STK3: variants seen among roughly 807,000 people sequenced by gnomAD.
The protein encoded by STK3 is serine/threonine-protein kinase 3.
A neutral mutation model predicts 58.0 loss-of-function variants in STK3; 41 were observed. The observed-to-expected ratio is 0.71, with a 90% CI of 0.55 to 0.92. The LOEUF (loss-of-function observed/expected upper bound fraction) is 0.92, where lower values mean the gene tolerates loss of function less well. STK3 is among the 40% of genes least tolerant of loss of function. The pLI, the probability that STK3 is intolerant of heterozygous loss-of-function variation, is 0.00. For missense variants in STK3, 479 were observed against 602.7 expected, an observed-to-expected ratio of 0.79 and a Z score of 2.15; for synonymous variants, 170 against 191.0, an observed-to-expected ratio of 0.89 and a Z score of 0.91.
chr8:98,390,223 C>A (rs547188501), upstream of STK3, among the ~76,000 whole-genome samples: 2 of 152,282 alleles, frequency 1.3e-5, no homozygotes, highest in South Asian at 4.1e-4. Context: ...GCAACAAATT[C>A]TCTTAGTTTT....
intron 6 of STK3, among the ~76,000 whole-genome samples, chr8:98,684,010 T>C (rs1453573845): frequency 6.6e-6 from 1 of 152,130 alleles, no homozygotes; most frequent in African/African-American, 2.4e-5. Context: ...CAAACATCAA[T>C]ATTTAAGTGC....
At chr8:98,612,761 C>G (rs188509878) in intron 6 of STK3, among the ~76,000 whole-genome samples, 21 of 152,240 alleles carry the variant, frequency 1.4e-4, no homozygotes, top group Admixed American at 5.2e-4. Context: ...AAACTGTAGT[C>G]CCACTCTAAC....
Position 98,779,800 on chromosome 8 carries a change from C to G in STK3, c.27-4981G>C, listed in dbSNP as rs147834817. 9.9e-3 allele frequency among the ~76,000 whole-genome samples: 1,502 copies of G among 152,246 alleles called. 13 individuals carry two copies. The highest frequency in any genetic ancestry group is 0.013 in the Non-Finnish European group (905 of 68,016). On this transcript the variant is annotated intron_variant, in intron 1 of 10. Coordinates refer to ENST00000419617, the MANE Select transcript of STK3 (RefSeq NM_006281.4). ...ATATAGCATATCTTACTTGCCCAGTCTTTTGCTTATGGACATCCAGGTTCT... is the reference window on the plus strand; with the variant it reads ...ATATAGCATATCTTACTTGCCCAGTGTTTTGCTTATGGACATCCAGGTTCT...
At chr8:98,722,981 CAA>C (rs201288237) in intron 4 of STK3, 4 of 379,776 alleles carry the variant, frequency 1.1e-5, no homozygotes, top group South Asian at 4.1e-5. Context: ...TTAAAACAAA[CAA>C]AAAAAAAATT....
chr8:98,364,449 C>G, the STK3 span, among the ~76,000 whole-genome samples: 2 of 152,204 alleles, frequency 1.3e-5, no homozygotes, highest in African/African-American at 2.4e-5. Context: ...GCCTGCCAGT[C>G]TGTTTCCCCG....
At chr8:98,872,054 G>C (rs560873214) in intron 3 of STK3, among the ~76,000 whole-genome samples, 3 of 152,192 alleles carry the variant, frequency 2.0e-5, no homozygotes, top group East Asian at 1.9e-4. Flanking sequence ...TAGCATGAAG[G>C]GCTGTTGAAT....
At chr8:98,846,910 C>T (rs761159083) in intron 3 of STK3, among the ~76,000 whole-genome samples, 2 of 151,446 alleles carry the variant, frequency 1.3e-5, no homozygotes, top group Non-Finnish European at 2.9e-5. Context: ...TTAAAAAGTG[C>T]CCCCCCATGA....
chr8:98,921,442 T>G (rs1176523548), intron 1 of STK3: 1 of 152,936 alleles, frequency 6.5e-6, no homozygotes, highest in African/African-American at 2.4e-5. Context: ...GAGAGGCACA[T>G]GGAGTGCTGA....
In STK3 at chr8:98,571,600, G is replaced by A. The variant is rs184042223; in HGVS notation, c.948+8064C>T. ...ACAGCTCTGAGTTCAGACCATAAGA[G>A]GTCACCAGAAAGTCCTCATTTCTTT... On this transcript the variant is annotated intron_variant, in intron 8 of 10. Coordinates refer to ENST00000419617, the MANE Select transcript of STK3 (RefSeq NM_006281.4). 3.3e-5 allele frequency among the ~76,000 whole-genome samples: 5 copies of A among 152,186 alleles called. No individual in the cohort carries two copies. The East Asian group carries it at 9.7e-4, about 29-fold the overall frequency.
At chr8:98,807,672 A>G (rs1417023815) in intron 1 of STK3, among the ~76,000 whole-genome samples, 4 of 152,232 alleles carry the variant, frequency 2.6e-5, no homozygotes, top group Admixed American at 6.5e-5. Context: ...ATTAGAGTAG[A>G]TAAACTCACC....
intron 3 of STK3, among the ~76,000 whole-genome samples, chr8:98,421,741 A>G (rs1057192277): frequency 6.6e-6 from 1 of 152,196 alleles, no homozygotes; most frequent in African/African-American, 2.4e-5. Flanking sequence ...GCACCACTGC[A>G]CTACAGCCTG....
intron 10 of STK3, among the ~76,000 whole-genome samples, chr8:98,511,252 A>G (rs1041132748): frequency 1.3e-5 from 2 of 152,032 alleles, no homozygotes; most frequent in African/African-American, 2.4e-5. Flanking sequence ...TTCAAATGGA[A>G]TATCTAATAA....
At chr8:98,856,054 G>A (rs1197484399) in intron 3 of STK3, among the ~76,000 whole-genome samples, 3 of 151,190 alleles carry the variant, frequency 2.0e-5, no homozygotes, top group Non-Finnish European at 4.4e-5. Flanking sequence ...CTACTCAAGA[G>A]GCTGAGGGAG....
chr8:98,714,232 C>T (rs1444281388), intron 4 of STK3, among the ~76,000 whole-genome samples: 1 of 152,144 alleles, frequency 6.6e-6, no homozygotes, highest in Non-Finnish European at 1.5e-5. Context: ...GACAGGGATG[C>T]CCTCTCTCAC....
intron 3 of STK3, among the ~76,000 whole-genome samples, chr8:98,848,818 A>G (rs1022502931): frequency 1.1e-4 from 16 of 152,198 alleles, no homozygotes; most frequent in African/African-American, 3.9e-4. Flanking sequence ...ATTCATGTAC[A>G]AGCTTTGATG....
At chr8:98,361,692 C>T in the STK3 span, among the ~76,000 whole-genome samples, 1 of 152,164 alleles carries the variant, frequency 6.6e-6, no homozygotes, top group Non-Finnish European at 1.5e-5. Flanking sequence ...GACAAAGCAG[C>T]GTACCTTGTA....
chr8:98,569,912 T>C (rs1019586734), intron 8 of STK3, among the ~76,000 whole-genome samples: 5 of 148,934 alleles, frequency 3.4e-5, no homozygotes, highest in Admixed American at 2.7e-4. Context: ...AAAAAAAAAA[T>C]ATGTGTGTGT....
chr8:98,387,223 G>A (rs1817800137), intron 1 of STK3, among the ~76,000 whole-genome samples: 1 of 152,020 alleles, frequency 6.6e-6, no homozygotes, highest in Non-Finnish European at 1.5e-5. Flanking sequence ...CAGTTACATT[G>A]TTAATAATAA....
chr8:98,465,593 C>T (rs1055745854), intron 10 of STK3, among the ~76,000 whole-genome samples: 3 of 152,150 alleles, frequency 2.0e-5, no homozygotes, highest in Non-Finnish European at 4.4e-5. Flanking sequence ...TTCTACATAG[C>T]CCTTTGGGAT....
Sources: gnomAD v4.1 joint callset for allele counts (sites outside exome capture counted in the v4.1 genomes callset) on GRCh38, gnomAD v4.1.1 for gene constraint, MANE v1.5 for transcripts, NCBI Gene and HGNC (gene_info 2026-07-23, HGNC 2026-07-21) for gene names.